The following TMEM181 variants were observed in gnomAD, a reference collection of about 807,000 sequenced individuals.
The protein encoded by TMEM181 is transmembrane protein 181.
A neutral mutation model predicts 71.9 loss-of-function variants in TMEM181; 39 were observed. The observed-to-expected ratio is 0.54, with a 90% CI of 0.42 to 0.71. TMEM181 has a LOEUF of 0.71. Among genes scored for constraint, TMEM181 ranks in the 30% least tolerant of loss-of-function variants. The pLI is 0.00. For missense variants in TMEM181, 595 were observed against 583.0 expected, an observed-to-expected ratio of 1.02 and a Z score of -0.21; for synonymous variants, 245 against 228.8, an observed-to-expected ratio of 1.07 and a Z score of -0.64.
intron 1 of TMEM181, among the ~76,000 whole-genome samples, chr6:158,537,752 CTG>C (rs1220816058): frequency 6.6e-6 from 1 of 152,198 alleles, no homozygotes; most frequent in Admixed American, 6.5e-5. Context: ...TTTACTCACT[CTG>C]TGCTAAGGAT....
intron 6 of TMEM181, among the ~76,000 whole-genome samples, chr6:158,595,136 C>T (rs1784324800): frequency 6.6e-6 from 1 of 152,166 alleles, no homozygotes; most frequent in African/African-American, 2.4e-5. Flanking sequence ...CAGTTTTTTG[C>T]TGAATTGTAC....
intron 14 of TMEM181, 81 bp downstream of exon 14, chr6:158,628,571 CAA>C: frequency 2.4e-6 from 3 of 1,270,670 alleles, no homozygotes; most frequent in African/African-American, 1.5e-5. Context: ...TTGCCCCTCT[CAA>C]GAGGAGACAG....
intron 6 of TMEM181, among the ~76,000 whole-genome samples, chr6:158,596,000 C>T (rs939600262): frequency 6.6e-6 from 1 of 152,158 alleles, no homozygotes; most frequent in Non-Finnish European, 1.5e-5. Context: ...CGGCTCACTG[C>T]AAGCTCCGCC....
At chr6:158,624,495 C>T (rs539624315) in intron 11 of TMEM181, among the ~76,000 whole-genome samples, 41 of 152,358 alleles carry the variant, frequency 2.7e-4, no homozygotes, top group Admixed American at 8.5e-4. Context: ...CTGTCCACCC[C>T]GCGGCCTGGC....
At chr6:158,627,630 C>T (rs1271379988) in intron 13 of TMEM181, among the ~76,000 whole-genome samples, 1 of 150,720 alleles carries the variant, frequency 6.6e-6, no homozygotes, top group African/African-American at 2.4e-5. Context: ...CCTGGGTGGG[C>T]GTCAGCATGG....
At chr6:158,595,258 T>C (rs1784329357) in intron 6 of TMEM181, among the ~76,000 whole-genome samples, 1 of 152,264 alleles carries the variant, frequency 6.6e-6, no homozygotes, top group South Asian at 2.1e-4. Context: ...TGGCTTTTTA[T>C]TATAAGCTGC....
intron 1 of TMEM181, among the ~76,000 whole-genome samples, chr6:158,544,182 A>AGAGTGTGTGTGTGTGTGTGT (rs149735409): frequency 6.3e-5 from 8 of 127,562 alleles, no homozygotes; most frequent in African/African-American, 2.4e-4. Context: ...AATTGGAGAG[A>AGAGTGTGTGTGTGTGTGTGT]GTGTGTGTGT....
At chr6:158,539,242 C>G (rs1252409530) in intron 1 of TMEM181, among the ~76,000 whole-genome samples, 1 of 152,172 alleles carries the variant, frequency 6.6e-6, no homozygotes, top group Non-Finnish European at 1.5e-5. Flanking sequence ...TTTGTATAGA[C>G]AGGGCAGTTA....
At chr6:158,553,387 G>A (rs956661211) in intron 1 of TMEM181, among the ~76,000 whole-genome samples, 4 of 152,104 alleles carry the variant, frequency 2.6e-5, no homozygotes, top group African/African-American at 9.7e-5. Context: ...ATTAGACAAA[G>A]CTAGTCATCA....
At chr6:158,576,412 A>G (rs986922794) in intron 2 of TMEM181, among the ~76,000 whole-genome samples, 1 of 151,844 alleles carries the variant, frequency 6.6e-6, no homozygotes, top group African/African-American at 2.4e-5. Flanking sequence ...ACCTCCCTCA[A>G]TTGTTGCAAG....
intron 13 of TMEM181, among the ~76,000 whole-genome samples, chr6:158,627,977 G>A (rs767878204): frequency 6.6e-6 from 1 of 152,186 alleles, no homozygotes; most frequent in Admixed American, 6.5e-5. Flanking sequence ...CCGGGGAGGC[G>A]TCCCTGTGTC....
At chr6:158,594,430 T>C (rs1784285028) in intron 6 of TMEM181, among the ~76,000 whole-genome samples, 1 of 152,110 alleles carries the variant, frequency 6.6e-6, no homozygotes, top group Non-Finnish European at 1.5e-5. Flanking sequence ...TGTCATCTAG[T>C]TGGAATCATA....
At chr6:158,630,378 C>G (rs1352760044) in intron 15 of TMEM181, among the ~76,000 whole-genome samples, 1 of 152,018 alleles carries the variant, frequency 6.6e-6, no homozygotes, top group African/African-American at 2.4e-5. Flanking sequence ...TGCCTGTAGT[C>G]CTAGCTACTC....
At chr6:158,628,657 C>T (rs1047261612) in intron 14 of TMEM181, among the ~76,000 whole-genome samples, 167 bp downstream of exon 14, 3 of 152,218 alleles carry the variant, frequency 2.0e-5, no homozygotes, top group Non-Finnish European at 4.4e-5. Context: ...CCGCTGCAGC[C>T]GTGGGAAGGG....
Position 158,608,426 on chromosome 6 carries a change from T to C in TMEM181, c.767T>C (p.Leu256Pro). The C allele has an allele frequency of 6.2e-7, 1 of 1,614,222 alleles. No individual in the cohort carries two copies. Among genetic ancestry groups the C allele is most frequent in the Non-Finnish European group, 8.5e-7 (1 of 1,180,034 alleles). ...FQSMFLCALL[L>P]FWLCVYHGIR... is the part of the protein sequence containing the mutation. ...TCCATGTTCCTGTGCGCCCTGCTGC[T>C]CTTCTGGCTGTGCGTGTACCACGGG... Residue 256 changes from leucine (L) to proline (P), a missense_variant, in exon 9 of 17, where the codon CTC (leucine) becomes CCC (proline). By Grantham distance (98) the Leu-to-Pro change is moderately conservative. Coordinates refer to ENST00000684151, the MANE Select transcript of TMEM181 (RefSeq NM_001376852.1).
rs1189268767 is a variant in TMEM181 at position 158,585,196 on chromosome 6, A to G, written c.260-108A>G. On this transcript the variant is annotated intron_variant, in intron 4 of 16. Coordinates refer to ENST00000684151, the MANE Select transcript of TMEM181 (RefSeq NM_001376852.1). ...GTGCTGAGGCCAATGTGGCCTAAGG[A>G]CCTTAAGCGTTTTCCTGGCTCCAAG... The G allele has an allele frequency of 2.4e-6, 3 of 1,236,572 alleles. No homozygotes were observed. In the Admixed American group the frequency reaches 8.1e-5, roughly 33 times the overall value. 76.6% of individuals were successfully genotyped at this position (1,236,572 alleles called of 1,614,324 possible).
At position 158,620,781 on chromosome 6, in the gene TMEM181, T is replaced by A. The variant is rs1785909957; in HGVS notation, c.897-2769T>A. 6.6e-6 allele frequency among the ~76,000 whole-genome samples: 1 copy of A among 152,186 alleles called. No individual in the cohort carries two copies. ...TGCCGCTGCCCACTGCTTCCTGGGT[T>A]GCAAGAGAGCCTCTGTCCCCAACAT... On this transcript the variant is annotated intron_variant, in intron 10 of 16. Coordinates refer to ENST00000684151, the MANE Select transcript of TMEM181 (RefSeq NM_001376852.1). This position sits in a 1 kb window ranked among gnomAD's most constrained non-coding sequence, Gnocchi z 4.5.
chr6:158,621,469 G>GT lies in TMEM181; in HGVS notation c.897-2077dup, dbSNP rs557274208. ...GCAAGCCACACCATCCTCTTCCTGG[G>GT]TTTTCAGGCGCTTGGGGCTACCAGC... is the stretch of plus-strand genomic sequence containing the variant. On this transcript the variant is annotated intron_variant, in intron 10 of 16. Transcript: ENST00000684151. The GT allele has an allele frequency of 2.1e-4, 47 of 218,718 alleles. No homozygotes were observed. The South Asian group carries it at 4.1e-3, about 19-fold the overall frequency. 13.5% of individuals were successfully genotyped at this position (218,718 alleles called of 1,614,324 possible).
In TMEM181 at chr6:158,620,701, A is replaced by G. The variant is rs1785905080; in HGVS notation, c.897-2849A>G. On this transcript the variant is annotated intron_variant, in intron 10 of 16. Coordinates refer to ENST00000684151, the MANE Select transcript of TMEM181 (RefSeq NM_001376852.1). The surrounding 1 kb of genome is among the most constrained non-coding windows in gnomAD (Gnocchi z 4.5). ...TGCTGGAAGAGTGAAGTGAGAGAAAAGATGGGGTGCATGGCCAGAGACTCT... is the reference window on the plus strand; with the variant it reads ...TGCTGGAAGAGTGAAGTGAGAGAAAGGATGGGGTGCATGGCCAGAGACTCT... Among the ~76,000 whole-genome samples the G allele has an allele frequency of 6.6e-6, 1 of 152,154 alleles. No individual in the cohort carries two copies. Among genetic ancestry groups the G allele is most frequent in the Non-Finnish European group, 1.5e-5 (1 of 68,034 alleles).
Sources: allele counts gnomAD v4.1 joint callset (sites outside exome capture counted in the v4.1 genomes callset), GRCh38; gene constraint gnomAD v4.1.1; non-coding constraint Gnocchi (gnomAD v3.1); transcripts MANE v1.5; gene names NCBI Gene and HGNC (gene_info 2026-07-23, HGNC 2026-07-21).